Variants in NTRK3 observed in about 807,000 individuals in gnomAD.
The protein encoded by NTRK3 is NT-3 growth factor receptor.
In NTRK3, 24 loss-of-function variants were observed where a neutral mutation model predicts 91.7. The ratio of observed to expected loss-of-function variants is 0.26; its 90% CI spans 0.19 to 0.37. The LOEUF is 0.37. Ranked by LOEUF, NTRK3 falls within the 10% of genes least tolerant of loss-of-function variation. NTRK3 has a pLI of 1.00. For missense variants in NTRK3, 880 were observed against 1,068.9 expected (o/e 0.82, Z 2.46); for synonymous variants, 483 against 404.0 (o/e 1.20, Z -2.34).
At chr15:87,912,299 C>T (rs1422336544) in intron 17 of NTRK3, among the ~76,000 whole-genome samples, 2 of 152,208 alleles carry the variant, frequency 1.3e-5, no homozygotes, top group East Asian at 3.9e-4. Context: ...CACACTTCTA[C>T]TTAACCTCAT....
chr15:88,132,985 T>G (rs1195320431), intron 10 of NTRK3, among the ~76,000 whole-genome samples: 2 of 152,082 alleles, frequency 1.3e-5, no homozygotes, highest in Non-Finnish European at 2.9e-5. Context: ...TCCAGGGTAG[T>G]AGATTGCAAA....
exon 19 of NTRK3, chr15:87,864,458 T>C (rs190162411): frequency 8.3e-4 from 190 of 230,212 alleles, no homozygotes; most frequent in African/African-American, 3.4e-3. Context: ...TTTCTCTACC[T>C]GGTGAGTTAT....
chr15:87,931,270 G>A (rs770383426), intron 16 of NTRK3: 2 of 515,706 alleles, frequency 3.9e-6, no homozygotes, highest in Non-Finnish European at 3.9e-6. Flanking sequence ...TGAAAAGTAG[G>A]GCATGCCCTT....
intron 14 of NTRK3, among the ~76,000 whole-genome samples, chr15:87,966,176 C>T (rs1037108101): frequency 2.6e-5 from 4 of 152,216 alleles, no homozygotes; most frequent in African/African-American, 9.7e-5. Context: ...CATCATATTG[C>T]TTCATAATTA....
At chr15:88,073,533 G>A (rs139925998) in intron 13 of NTRK3, among the ~76,000 whole-genome samples, 9 of 152,198 alleles carry the variant, frequency 5.9e-5, no homozygotes, top group Middle Eastern at 3.4e-3. Flanking sequence ...ACATCCTGCC[G>A]CCCCTTCTTC....
intron 14 of NTRK3, among the ~76,000 whole-genome samples, chr15:88,001,807 A>G (rs1277340572): frequency 1.3e-5 from 2 of 152,054 alleles, no homozygotes; most frequent in African/African-American, 4.8e-5. Context: ...CAGGTTTGTT[A>G]GGCTATTTTG....
chr15:87,906,347 G>A (rs1453158899), intron 17 of NTRK3, among the ~76,000 whole-genome samples: 1 of 152,190 alleles, frequency 6.6e-6, no homozygotes, highest in African/African-American at 2.4e-5. Flanking sequence ...AAAGGCAGAT[G>A]GGAGAAGGAA....
chr15:88,034,653 A>G (rs1295268209), intron 13 of NTRK3, among the ~76,000 whole-genome samples: 2 of 152,250 alleles, frequency 1.3e-5, no homozygotes, highest in Non-Finnish European at 2.9e-5. Context: ...TATGGAGAGA[A>G]TATTTCCCAT....
intron 13 of NTRK3, among the ~76,000 whole-genome samples, chr15:88,035,159 A>T (rs913004684): frequency 6.6e-6 from 1 of 152,198 alleles, no homozygotes; most frequent in African/African-American, 2.4e-5. Flanking sequence ...TGAAGAAGAG[A>T]TGACCAACAG....
In NTRK3 at chr15:87,999,552, C is replaced by T. The variant is rs2075952024; in HGVS notation, c.1585+33305G>A. Among the ~76,000 whole-genome samples, 7 of 152,148 alleles carry T rather than the reference C, an allele frequency of 4.6e-5. No homozygotes were observed. In the South Asian group the frequency reaches 1.5e-3, roughly 32 times the overall value. ...AATAACATGTAGATGTCTTTTCTTC[C>T]TTCATGCAAATTTTATTTCCCATGC... is the stretch of plus-strand genomic sequence containing the variant. On this transcript the variant is annotated intron_variant, in intron 14 of 18. Transcript: ENST00000394480.
chr15:88,250,306 T>TG (rs1028913760), intron 3 of NTRK3, among the ~76,000 whole-genome samples: 20 of 152,234 alleles, frequency 1.3e-4, no homozygotes, highest in Non-Finnish European at 2.9e-5. Flanking sequence ...CATGACCACC[T>TG]GGGACACTAG....
At chr15:88,076,125 C>T (rs1235078940) in intron 13 of NTRK3, among the ~76,000 whole-genome samples, 1 of 152,206 alleles carries the variant, frequency 6.6e-6, no homozygotes, top group East Asian at 1.9e-4. Flanking sequence ...TTAATGGACT[C>T]ATAGTTCCAC....
chr15:88,014,301 A>G (rs1378002939), intron 14 of NTRK3, among the ~76,000 whole-genome samples: 1 of 152,224 alleles, frequency 6.6e-6, no homozygotes, highest in Non-Finnish European at 1.5e-5. Flanking sequence ...CAGTTTCAGG[A>G]GTGAGAAACA....
chr15:87,978,073 A>G, intron 14 of NTRK3: 1 of 232,500 alleles, frequency 4.3e-6, no homozygotes, highest in East Asian at 6.1e-5. Context: ...CCCATGGGCC[A>G]GTGGAGCTGG....
intron 13 of NTRK3, among the ~76,000 whole-genome samples, chr15:88,108,904 G>T (rs1284206117): frequency 1.3e-5 from 2 of 152,186 alleles, no homozygotes; most frequent in African/African-American, 4.8e-5. Context: ...GCACCATAAA[G>T]TTCGAGGAGC....
At chr15:88,074,659 C>T (rs551136607) in intron 13 of NTRK3, among the ~76,000 whole-genome samples, 154 of 152,300 alleles carry the variant, frequency 1.0e-3, no homozygotes, top group African/African-American at 3.6e-3. Context: ...ACATCAATAG[C>T]CGTATATGAT....
chr15:88,137,298 G>T lies in NTRK3; in HGVS notation c.622+106C>A, dbSNP rs1244302452. ...CTGCAGAGTTCAAGGCTGGGAGGGC[G>T]TTTCGAAAGGAAGGCTCTGGCATCC... On this transcript the variant is annotated intron_variant, in intron 7 of 18. Transcript: ENST00000394480. 103 of 1,354,818 alleles carry T rather than the reference G, an allele frequency of 7.6e-5. No individual in the cohort carries two copies. In the East Asian group the frequency reaches 2.4e-3, roughly 32 times the overall value. The allele number at this position is 1,354,818 out of a possible 1,614,324, so 83.9% of individuals were successfully genotyped here. A position where few individuals can be genotyped will look rare whatever the true frequency, so the allele number is the denominator to read the frequency against.
At chr15:88,140,322 A>G (rs2042270286) in intron 6 of NTRK3, among the ~76,000 whole-genome samples, 1 of 152,230 alleles carries the variant, frequency 6.6e-6, no homozygotes, top group African/African-American at 2.4e-5. Flanking sequence ...CATTTCTCAA[A>G]GTACTCAACC....
At chr15:88,154,086 A>G (rs1489096568) in intron 5 of NTRK3, among the ~76,000 whole-genome samples, 7 of 146,070 alleles carry the variant, frequency 4.8e-5, no homozygotes, top group Admixed American at 1.4e-4. Context: ...TCCCTGATGC[A>G]GCACCAAGCC....
Sources: gnomAD v4.1 joint callset for allele counts (sites outside exome capture counted in the v4.1 genomes callset) on GRCh38, gnomAD v4.1.1 for gene constraint, MANE v1.5 for transcripts, NCBI Gene and HGNC (gene_info 2026-07-23, HGNC 2026-07-21) for gene names.